The following TAB1 variants were observed in gnomAD, a reference collection of about 807,000 sequenced individuals.
TAB1 encodes TGF-beta activated kinase 1 (MAP3K7) binding protein 1, also known as TGF-beta-activated kinase 1 and MAP3K7-binding protein 1.
A neutral mutation model predicts 54.5 loss-of-function variants in TAB1; 30 were observed. That is an observed-to-expected ratio of 0.55 (90% CI 0.41 to 0.75). TAB1 has a LOEUF of 0.75. Among genes scored for constraint, TAB1 ranks in the 30% least tolerant of loss-of-function variants. TAB1 has a pLI of 0.00. For missense variants in TAB1, 609 were observed against 683.2 expected (o/e 0.89, Z 1.21); for synonymous variants, 289 against 286.9 (o/e 1.01, Z -0.07).
At chr22:39,403,475 G>A (rs528690632) in intron 1 of TAB1, among the ~76,000 whole-genome samples, 2 of 152,296 alleles carry the variant, frequency 1.3e-5, no homozygotes, top group African/African-American at 2.4e-5. Context: ...TGCCTTGGGG[G>A]AGCTTGGGAG....
At chr22:39,404,861 T>G (rs746296660) in intron 1 of TAB1, among the ~76,000 whole-genome samples, 14 of 152,044 alleles carry the variant, frequency 9.2e-5, no homozygotes, top group South Asian at 2.1e-4. Flanking sequence ...AAAACTCCGG[T>G]GGGAGAAGTG....
rs35442038 is a variant in TAB1, at chr22:39,421,389, G to A, written c.777-438G>A. Among the ~76,000 whole-genome samples, 417 of 152,288 alleles carry A rather than the reference G, an allele frequency of 2.7e-3. 1 individual carries two copies. Among genetic ancestry groups the A allele is most frequent in the African/African-American group, 8.7e-3 (360 of 41,560 alleles). ...ACATGTGTTGGCATGTAATGACTCT[G>A]ACCCCAGTCACTAAAGGATCCCTGT... is the stretch of plus-strand genomic sequence containing the variant. On this transcript the variant is annotated intron_variant, in intron 7 of 10. Coordinates refer to ENST00000216160, the MANE Select transcript of TAB1 (RefSeq NM_006116.3).
rs574281653 is a variant in TAB1 at position 39,406,927 on chromosome 22, C to T, written c.33+7092C>T. ...GGATTACAGGCGTGAGCCACTGCGC[C>T]CGGCCTCTGGTCACAGTTTTTTAGA... On this transcript the variant is annotated intron_variant, in intron 1 of 10. Transcript: ENST00000216160. 5.3e-5 allele frequency among the ~76,000 whole-genome samples: 8 copies of T among 152,310 alleles called. No homozygotes were observed. In the South Asian group the frequency reaches 1.7e-3, roughly 32 times the overall value.
At chr22:39,411,988 A>G (rs977964667) in intron 1 of TAB1, among the ~76,000 whole-genome samples, 2 of 152,154 alleles carry the variant, frequency 1.3e-5, no homozygotes, top group African/African-American at 4.8e-5. Context: ...TCAGGAGGTC[A>G]TGTTTACTGC....
chr22:39,403,671 C>T (rs1363386951), intron 1 of TAB1, among the ~76,000 whole-genome samples: 32 of 146,824 alleles, frequency 2.2e-4, no homozygotes, highest in African/African-American at 8.0e-4. Flanking sequence ...CGGAGTCTCG[C>T]TCTGTTGCCC....
At chr22:39,424,601 C>G (rs187119408) in intron 8 of TAB1, among the ~76,000 whole-genome samples, 1 of 152,158 alleles carries the variant, frequency 6.6e-6, no homozygotes, top group East Asian at 1.9e-4. Context: ...TGTGCCACCA[C>G]CACACCCGGC....
chr22:39,405,960 A>G (rs1018938320), intron 1 of TAB1, among the ~76,000 whole-genome samples: 3 of 152,168 alleles, frequency 2.0e-5, no homozygotes, highest in African/African-American at 4.8e-5. Flanking sequence ...GTGTCATTGG[A>G]TCTAAGACAC....
downstream of TAB1, among the ~76,000 whole-genome samples, chr22:39,434,797 G>A (rs1927724399): frequency 6.6e-6 from 1 of 152,254 alleles, no homozygotes; most frequent in Admixed American, 6.5e-5. Context: ...CCAGGGCAGG[G>A]CAGGAGTGGG....
Position 39,399,869 on chromosome 22 carries a change from T to TG in TAB1, c.33+37dup, listed in dbSNP as rs1569190323. 10 of 1,578,572 alleles carry TG rather than the reference T, an allele frequency of 6.3e-6. No individual in the cohort carries two copies. The South Asian group carries it at 1.2e-4, about 18-fold the overall frequency. ...CAGGCCCGCTCTCTGGGCTTGGGGT[T>TG]GGGAGCCTGGGCGGGGGTGCTGTCG... On this transcript the variant is annotated intron_variant, in intron 1 of 10. Coordinates refer to ENST00000216160, the MANE Select transcript of TAB1 (RefSeq NM_006116.3).
intron 1 of TAB1, among the ~76,000 whole-genome samples, chr22:39,401,034 C>CAA (rs566248298): frequency 0.016 from 701 of 44,140 alleles, 9 homozygotes; most frequent in African/African-American, 0.035. Context: ...GACTGTGTCT[C>CAA]AAAAAAAAAA....
intron 8 of TAB1, among the ~76,000 whole-genome samples, chr22:39,425,091 G>A (rs1275776223): frequency 3.9e-5 from 6 of 152,030 alleles, no homozygotes; most frequent in East Asian, 1.9e-4. Context: ...CATGAGATTC[G>A]GCTGGGCGTG....
intron 8 of TAB1, among the ~76,000 whole-genome samples, chr22:39,422,723 A>T (rs1232678596): frequency 3.3e-5 from 5 of 152,080 alleles, no homozygotes; most frequent in Non-Finnish European, 4.4e-5. Context: ...TACAGTGAGG[A>T]TGGTAACATC....
chr22:39,426,671 C>A, intron 8 of TAB1, 32 bp from the exon 9 acceptor site: 1 of 1,569,692 alleles, frequency 6.4e-7, no homozygotes. Context: ...GCACCTCGTT[C>A]CTTACCAGGT....
In TAB1 at chr22:39,415,657, A is replaced by G. The variant is rs878989685; in HGVS notation, c.324+4A>G. The stretch of plus-strand genomic sequence containing the variant: ...TGTGCGGCGTGTGCTGCTGCAGGTA[A>G]TGGTGCCGGGGCCAACAGTGACCCA... On this transcript the variant is annotated splice_donor_region_variant and intron_variant, in intron 3 of 10. Coordinates refer to ENST00000216160, the MANE Select transcript of TAB1 (RefSeq NM_006116.3). This position sits in a 1 kb window ranked among gnomAD's most constrained non-coding sequence, Gnocchi z 4.9. The G allele has an allele frequency of 6.2e-7, 1 of 1,606,008 alleles. No homozygotes were observed. The highest frequency in any genetic ancestry group is 8.5e-7 in the Non-Finnish European group (1 of 1,178,892).
downstream of TAB1, among the ~76,000 whole-genome samples, chr22:39,434,370 C>T (rs529548452): frequency 1.2e-4 from 18 of 152,378 alleles, no homozygotes; most frequent in Non-Finnish European, 2.2e-4. Flanking sequence ...GGGCAGCGGG[C>T]GTGGTTCTGG....
At chr22:39,403,580 T>A (rs1325917568) in intron 1 of TAB1, among the ~76,000 whole-genome samples, 1 of 151,338 alleles carries the variant, frequency 6.6e-6, no homozygotes, top group East Asian at 1.9e-4. Context: ...GAAGCTTTCA[T>A]GGGGAGCAGA....
intron 7 of TAB1, chr22:39,421,590 T>C (rs551607662): frequency 1.8e-6 from 1 of 543,082 alleles, no homozygotes; most frequent in South Asian, 2.1e-5. Flanking sequence ...CATTCAACCT[T>C]TGCCATCCTG....
At chr22:39,416,183 C>T (rs781548604) in intron 3 of TAB1, among the ~76,000 whole-genome samples, 8 of 152,112 alleles carry the variant, frequency 5.3e-5, no homozygotes, top group African/African-American at 1.4e-4. Context: ...CTTCTGTTCC[C>T]GGAGAGGGGT....
chr22:39,424,278 A>T (rs898769254), intron 8 of TAB1, among the ~76,000 whole-genome samples: 1 of 152,088 alleles, frequency 6.6e-6, no homozygotes, highest in Admixed American at 6.5e-5. Flanking sequence ...CATCTTTGCA[A>T]TTGTGAATTG....
Sources: allele counts gnomAD v4.1 joint callset (sites outside exome capture counted in the v4.1 genomes callset), GRCh38; gene constraint gnomAD v4.1.1; non-coding constraint Gnocchi (gnomAD v3.1); transcripts MANE v1.5; gene names NCBI Gene and HGNC (gene_info 2026-07-23, HGNC 2026-07-21).